The following SEC31A variants were observed in gnomAD, a reference collection of about 807,000 sequenced individuals.
SEC31A encodes the protein protein transport protein Sec31A.
A neutral mutation model predicts 151.0 loss-of-function variants in SEC31A; 70 were observed. The observed-to-expected ratio is 0.46, with a 90% CI of 0.38 to 0.57. The LOEUF is 0.57. Ranked by LOEUF, SEC31A falls within the 20% of genes least tolerant of loss-of-function variation. The probability of loss-of-function intolerance (pLI) is 0.00; values close to 1 mark genes in which losing one functional copy is unlikely to be tolerated. For synonymous variants in SEC31A, 475 were observed against 505.9 expected, an observed-to-expected ratio of 0.94 and a Z score of 0.82; for missense variants, 1,330 against 1,471.2, an observed-to-expected ratio of 0.90 and a Z score of 1.57.
chr4:82,871,349 G>A, intron 7 of SEC31A: 1 of 1,515,582 alleles, frequency 6.6e-7, no homozygotes, highest in Non-Finnish European at 8.8e-7. Flanking sequence ...AGTAACGTAG[G>A]TACAGTAAAA....
intron 8 of SEC31A, among the ~76,000 whole-genome samples, chr4:82,867,836 T>C (rs560779686): frequency 1.6e-4 from 24 of 152,320 alleles, no homozygotes; most frequent in Non-Finnish European, 2.8e-4. Flanking sequence ...TTTCACCACG[T>C]TGGCCAGGCT....
At chr4:82,890,997 G>A (rs1422276867) in intron 1 of SEC31A, 91 bp downstream of exon 1, 1 of 1,517,760 alleles carries the variant, frequency 6.6e-7, no homozygotes, top group Non-Finnish European at 8.8e-7. Context: ...CGGGGCAGCG[G>A]AGACCCAGGC....
intron 1 of SEC31A, among the ~76,000 whole-genome samples, chr4:82,889,668 T>C (rs961158988): frequency 2.6e-5 from 4 of 152,172 alleles, no homozygotes; most frequent in Non-Finnish European, 5.9e-5. Context: ...TTTTGAATCA[T>C]TGCTCTTCAC....
At chr4:82,819,950 C>T (rs1392977469) in intron 26 of SEC31A, among the ~76,000 whole-genome samples, 7 of 151,792 alleles carry the variant, frequency 4.6e-5, no homozygotes, top group African/African-American at 1.2e-4. Context: ...TTAGTAGAGA[C>T]GGGGTTTTGC....
chr4:82,855,104 G>T, intron 16 of SEC31A, 75 bp from the exon 17 acceptor site: 1 of 1,250,974 alleles, frequency 8.0e-7, no homozygotes, highest in African/African-American at 1.5e-5. Flanking sequence ...CTAATTAATT[G>T]TGTCAAGTAT....
Position 82,857,715 on chromosome 4 carries a change from C to A in SEC31A, c.1676G>T (p.Gly559Val). The part of the protein sequence containing the change: ...EESEFLPSSG[G>V]TFNISVSGDI... ...CCCACTGACAGAGATATTAAATGTT[C>A]CTCCAGATGAGGGTAGAAATTCAGA... Residue 559 changes from glycine (G) to valine (V), a missense_variant, in exon 15 of 27, where the codon GGA (glycine) becomes GTA (valine). By Grantham distance (109) the Gly-to-Val change is moderately radical (BLOSUM62 -3). Transcript: ENST00000395310. 6.2e-7 allele frequency: 1 copy of A among 1,603,246 alleles called. No homozygotes were observed. The highest frequency in any genetic ancestry group is 1.1e-5 in the South Asian group (1 of 90,768).
At position 82,818,558 on chromosome 4, in the gene SEC31A, T is replaced by C. The variant is rs1722725559; in HGVS notation, c.*516A>G. On this transcript the variant is annotated 3_prime_UTR_variant, in exon 27 of 27. Coordinates refer to ENST00000395310, the MANE Select transcript of SEC31A (RefSeq NM_001077207.4). The stretch of plus-strand genomic sequence containing the variant: ...TTTTATTAATATCTGCTAAAACCCA[T>C]GTAGCAGTTTGTAGATGTAGTTATT... The C allele has an allele frequency of 1.3e-5, 2 of 152,200 alleles. No homozygotes were observed. Among genetic ancestry groups the C allele is most frequent in the South Asian group, 2.1e-4 (1 of 4,832 alleles). 9.4% of individuals were successfully genotyped at this position (152,200 alleles called of 1,614,324 possible). A position where few individuals can be genotyped will look rare whatever the true frequency, so the allele number is the denominator to read the frequency against.
chr4:82,857,769 A>C lies in SEC31A; in HGVS notation c.1627-5T>G. On this transcript the variant is annotated splice_polypyrimidine_tract_variant and splice_region_variant and intron_variant, in intron 14 of 26. Coordinates refer to ENST00000395310, the MANE Select transcript of SEC31A (RefSeq NM_001077207.4). ...TTCTTTTTCCTCTTTAATGTGCTAA[A>C]GAGATGAAAAAAGCAACAATTTAGC... 6.3e-7 allele frequency: 1 copy of C among 1,578,424 alleles called. No individual in the cohort carries two copies. Among genetic ancestry groups the C allele is most frequent in the Non-Finnish European group, 8.7e-7 (1 of 1,152,756 alleles).
rs112996212 is a variant in SEC31A at position 82,884,055 on chromosome 4, T to C, written c.-4-2115A>G. Among the ~76,000 whole-genome samples, 1,026 of 148,024 alleles carry C rather than the reference T, an allele frequency of 6.9e-3. 12 individuals are homozygous for C. Among genetic ancestry groups the C allele is most frequent in the Middle Eastern group, 0.01 (3 of 292 alleles). On this transcript the variant is annotated intron_variant, in intron 1 of 26. Coordinates refer to ENST00000395310, the MANE Select transcript of SEC31A (RefSeq NM_001077207.4). ...CAGGCTGGAGCACAGTGGGGCGATC[T>C]CGGCTCACTGCAACGTCTGCCTCCG...
chr4:82,846,650 T>C (rs776435890), intron 20 of SEC31A, among the ~76,000 whole-genome samples: 62 of 152,066 alleles, frequency 4.1e-4, no homozygotes, highest in Non-Finnish European at 8.4e-4. Flanking sequence ...ATAGTAAATA[T>C]ATTTTCTCTT....
intron 1 of SEC31A, among the ~76,000 whole-genome samples, chr4:82,884,434 A>G (rs986623634): frequency 5.3e-5 from 8 of 152,226 alleles, no homozygotes; most frequent in African/African-American, 1.9e-4. Context: ...TTACGTTCCT[A>G]GAAAAGTTGA....
intron 24 of SEC31A, 93 bp downstream of exon 24, chr4:82,827,276 T>C (rs1463756826): frequency 3.7e-6 from 5 of 1,359,596 alleles, no homozygotes; most frequent in Non-Finnish European, 5.0e-6. Flanking sequence ...AGATGTTTAA[T>C]AATAATCATG....
At chr4:82,827,300 T>C in intron 24 of SEC31A, 69 bp downstream of exon 24, 1 of 1,491,820 alleles carries the variant, frequency 6.7e-7, no homozygotes, top group Non-Finnish European at 9.1e-7. Flanking sequence ...TCATAAAAGT[T>C]AGCACATTAA....
Position 82,861,628 on chromosome 4 carries a change from T to C in SEC31A, c.1626+3A>G. The C allele has an allele frequency of 2.5e-6, 4 of 1,590,432 alleles. No homozygotes were observed. Among genetic ancestry groups the C allele is most frequent in the Non-Finnish European group, 3.4e-6 (4 of 1,162,714 alleles). On this transcript the variant is annotated splice_donor_region_variant and intron_variant, in intron 14 of 26. Transcript: ENST00000395310. ...CAATATAATATGAAAAAAAAATAAGTACCTCTCCCAAGAGCTGCTCTTCAG... is the reference window on the plus strand; with the variant it reads ...CAATATAATATGAAAAAAAAATAAGCACCTCTCCCAAGAGCTGCTCTTCAG...
At chr4:82,872,958 G>C (rs999102860) in intron 6 of SEC31A, among the ~76,000 whole-genome samples, 11 of 152,128 alleles carry the variant, frequency 7.2e-5, no homozygotes, top group Admixed American at 1.3e-4. Context: ...GCCCACCTCG[G>C]CCTCCCAAAG....
chr4:82,864,284 G>T (rs1051250190), intron 11 of SEC31A, 78 bp downstream of exon 11: 2 of 982,668 alleles, frequency 2.0e-6, no homozygotes, highest in African/African-American at 3.3e-5. Context: ...TTCTTTAATA[G>T]GAGGACAGAT....
chr4:82,823,923 CCAGA>C (rs1021181008), intron 25 of SEC31A, among the ~76,000 whole-genome samples: 1 of 152,162 alleles, frequency 6.6e-6, no homozygotes, highest in African/African-American at 2.4e-5. Flanking sequence ...AATTCTGGAG[CCAGA>C]CAGTCTGGGT....
intron 3 of SEC31A, among the ~76,000 whole-genome samples, chr4:82,899,119 T>G (rs931957262): frequency 6.6e-6 from 1 of 152,142 alleles, no homozygotes; most frequent in Non-Finnish European, 1.5e-5. Context: ...GACCATATAT[T>G]AGTTCATAAT....
intron 24 of SEC31A, 29 bp from the exon 25 acceptor site, chr4:82,824,703 G>A: frequency 1.2e-6 from 2 of 1,606,030 alleles, no homozygotes; most frequent in Non-Finnish European, 1.7e-6. Flanking sequence ...AAACTGATCA[G>A]AAATGACCAG....
Sources: gnomAD v4.1 joint callset for allele counts (sites outside exome capture counted in the v4.1 genomes callset) on GRCh38, gnomAD v4.1.1 for gene constraint, MANE v1.5 for transcripts, NCBI Gene and HGNC (gene_info 2026-07-23, HGNC 2026-07-21) for gene names.